The following ARSG variants were observed in gnomAD, a reference collection of about 807,000 sequenced individuals.
The protein encoded by ARSG is ASG.
In ARSG, 37 loss-of-function variants were observed where a neutral mutation model predicts 50.5. The observed-to-expected ratio is 0.73, with a 90% CI of 0.56 to 0.96. The LOEUF (loss-of-function observed/expected upper bound fraction) is 0.96. Among genes scored for constraint, ARSG ranks in the 50% least tolerant of loss-of-function variants. The pLI, the probability that ARSG is intolerant of heterozygous loss-of-function variation, is 0.00. For missense variants in ARSG, 629 were observed against 675.3 expected (o/e 0.93, Z 0.76); for synonymous variants, 225 against 254.6 (o/e 0.88, Z 1.11).
intron 2 of ARSG, among the ~76,000 whole-genome samples, chr17:68,312,649 G>C (rs1162932505): frequency 1.3e-5 from 2 of 152,112 alleles, no homozygotes; most frequent in Admixed American, 6.5e-5. Context: ...CTTTCCATCT[G>C]AGCCTTGTGA....
At chr17:68,361,440 G>A (rs1197540849) in intron 6 of ARSG, among the ~76,000 whole-genome samples, 4 of 152,098 alleles carry the variant, frequency 2.6e-5, no homozygotes, top group South Asian at 2.1e-4. Context: ...AAAGTCAGGC[G>A]TGGTGGCTCA....
intron 5 of ARSG, among the ~76,000 whole-genome samples, chr17:68,352,004 C>T (rs1377669492): frequency 6.6e-6 from 1 of 151,558 alleles, no homozygotes; most frequent in African/African-American, 2.4e-5. Flanking sequence ...GTCTTTGCTT[C>T]TAGCCCAGAC....
chr17:68,321,724 G>T (rs903176709), intron 2 of ARSG, among the ~76,000 whole-genome samples: 2 of 152,090 alleles, frequency 1.3e-5, no homozygotes, highest in Admixed American at 1.3e-4. Flanking sequence ...AGTTGCTTTG[G>T]TTTCTGTCTG....
upstream of ARSG, among the ~76,000 whole-genome samples, chr17:68,289,191 T>A (rs566478189): frequency 1.3e-5 from 2 of 151,862 alleles, no homozygotes; most frequent in African/African-American, 2.4e-5. Context: ...ACAAAAAAAT[T>A]AAAAAATGAG....
downstream of ARSG, chr17:68,424,693 T>C: frequency 8.7e-6 from 3 of 342,952 alleles, no homozygotes; most frequent in African/African-American, 2.2e-5. Context: ...GTGACCAACA[T>C]GGTGAAACCC....
chr17:68,296,686 C>T (rs983692499), intron 1 of ARSG, among the ~76,000 whole-genome samples: 8 of 152,150 alleles, frequency 5.3e-5, no homozygotes, highest in African/African-American at 7.2e-5. Flanking sequence ...TCCACCCAAG[C>T]GGCCTCTGCT....
chr17:68,264,157 C>T (rs564604342), intron 1 of ARSG, among the ~76,000 whole-genome samples: 12 of 152,260 alleles, frequency 7.9e-5, no homozygotes, highest in Admixed American at 7.9e-4. Context: ...CCACCACGCC[C>T]AGCTGAAGGA....
intron 1 of ARSG, among the ~76,000 whole-genome samples, chr17:68,259,978 C>T (rs1555744928): frequency 6.6e-6 from 1 of 152,166 alleles, no homozygotes; most frequent in African/African-American, 2.4e-5. Context: ...TATGTAGACA[C>T]CGTTTAATGT....
intron 2 of ARSG, among the ~76,000 whole-genome samples, chr17:68,323,622 AAT>A (rs2077381650): frequency 6.6e-6 from 1 of 152,110 alleles, no homozygotes; most frequent in South Asian, 2.1e-4. Context: ...ATCTAAATCT[AAT>A]TACCACCTAA....
the ARSG span, chr17:68,430,114 A>C: frequency 1.2e-6 from 2 of 1,614,016 alleles, no homozygotes; most frequent in Admixed American, 3.3e-5. Flanking sequence ...GCAGCCATAA[A>C]CATCTTTCCC....
intron 4 of ARSG, 75 bp downstream of exon 4, chr17:68,347,247 T>G: frequency 6.6e-7 from 1 of 1,516,948 alleles, no homozygotes; most frequent in East Asian, 2.3e-5. Context: ...CATGAACAGC[T>G]AAGCCATCCT....
intron 1 of ARSG, among the ~76,000 whole-genome samples, chr17:68,305,044 T>C (rs1241188609): frequency 6.6e-6 from 1 of 152,128 alleles, no homozygotes; most frequent in African/African-American, 2.4e-5. Flanking sequence ...CGTGGTGGCA[T>C]ACACTTGTAA....
chr17:68,376,667 C>T (rs1433260928), intron 8 of ARSG, among the ~76,000 whole-genome samples: 2 of 151,942 alleles, frequency 1.3e-5, no homozygotes, highest in African/African-American at 2.4e-5. Context: ...CCATTTCCCA[C>T]TCCCCCTCCA....
intron 4 of ARSG, among the ~76,000 whole-genome samples, chr17:68,347,610 C>T (rs917589161): frequency 9.9e-5 from 15 of 152,222 alleles, no homozygotes; most frequent in African/African-American, 3.4e-4. Context: ...TGCTTCCTCA[C>T]CCTCTGGCCT....
At chr17:68,436,306 C>T in the ARSG span, 6 of 1,358,000 alleles carry the variant, frequency 4.4e-6, no homozygotes, top group Non-Finnish European at 6.3e-6. Context: ...GACGGCAGGG[C>T]GTCCTTATCT....
intron 2 of ARSG, among the ~76,000 whole-genome samples, chr17:68,322,881 G>A (rs115708245): frequency 1.3e-5 from 2 of 152,158 alleles, no homozygotes; most frequent in African/African-American, 4.8e-5. Context: ...CCAACATCAG[G>A]GTACTAGCAT....
chr17:68,282,791 A>AAAAAAAAAAAAAAG (rs2075736356), intron 1 of ARSG, among the ~76,000 whole-genome samples: 1 of 147,982 alleles, frequency 6.8e-6, no homozygotes. Flanking sequence ...AAAAAAAAAA[A>AAAAAAAAAAAAAAG]AAAAAAAAAG....
chr17:68,392,780 G>T (rs780715804), intron 9 of ARSG, among the ~76,000 whole-genome samples: 2 of 152,222 alleles, frequency 1.3e-5, no homozygotes, highest in African/African-American at 4.8e-5. Flanking sequence ...GATTACAGGC[G>T]TGAGGCACCG....
At chr17:68,273,291 C>G (rs547381095) in intron 1 of ARSG, among the ~76,000 whole-genome samples, 98 of 151,966 alleles carry the variant, frequency 6.4e-4, no homozygotes, top group Non-Finnish European at 1.3e-3. Flanking sequence ...TCACTGGAGC[C>G]TTGACCTCCC....
Sources: gnomAD v4.1 joint callset for allele counts (sites outside exome capture counted in the v4.1 genomes callset) on GRCh38, gnomAD v4.1.1 for gene constraint, MANE v1.5 for transcripts, NCBI Gene and HGNC (gene_info 2026-07-23, HGNC 2026-07-21) for gene names.